Variants in NKAIN3 observed in about 807,000 individuals in gnomAD.
The protein encoded by NKAIN3 is sodium/potassium-transporting ATPase subunit beta-1-interacting protein 3.
In NKAIN3, 25 loss-of-function variants were observed where a neutral mutation model predicts 30.2. That is an observed-to-expected ratio of 0.83 (90% CI 0.60 to 1.16). NKAIN3 has a LOEUF of 1.16. NKAIN3 is among the 50% of genes most tolerant of loss of function. The pLI is 0.00. For missense variants in NKAIN3, 225 were observed against 254.1 expected, an observed-to-expected ratio of 0.89 and a Z score of 0.78; for synonymous variants, 91 against 89.6, an observed-to-expected ratio of 1.02 and a Z score of -0.09.
chr8:62,846,853 G>C (rs939899924), intron 4 of NKAIN3, among the ~76,000 whole-genome samples: 1 of 152,136 alleles, frequency 6.6e-6, no homozygotes, highest in Non-Finnish European at 1.5e-5. Context: ...TCACAATCAT[G>C]GTCGAAGGTG....
At chr8:62,275,521 T>C (rs1206521389) in intron 1 of NKAIN3, among the ~76,000 whole-genome samples, 2 of 152,242 alleles carry the variant, frequency 1.3e-5, no homozygotes, top group African/African-American at 2.4e-5. Context: ...TTGATAGACT[T>C]ACTTCAAATT....
At chr8:62,257,547 A>T (rs1012867174) in intron 1 of NKAIN3, among the ~76,000 whole-genome samples, 1 of 151,910 alleles carries the variant, frequency 6.6e-6, no homozygotes, top group Admixed American at 6.6e-5. Context: ...TCATCCTGTC[A>T]CTCCTCTTCA....
chr8:62,715,472 G>A (rs1456310469), intron 3 of NKAIN3, among the ~76,000 whole-genome samples: 2 of 152,146 alleles, frequency 1.3e-5, no homozygotes, highest in African/African-American at 4.8e-5. Flanking sequence ...CAGCCTTTCA[G>A]TGTTGGTGCA....
At chr8:62,452,493 T>TAAAC (rs1323279546) in intron 1 of NKAIN3, among the ~76,000 whole-genome samples, 3 of 151,858 alleles carry the variant, frequency 2.0e-5, no homozygotes, top group Non-Finnish European at 2.9e-5. Context: ...AATAAATAAA[T>TAAAC]AAATAAACAA....
intron 4 of NKAIN3, among the ~76,000 whole-genome samples, chr8:62,774,637 G>A (rs1344712627): frequency 6.6e-6 from 1 of 152,046 alleles, no homozygotes; most frequent in East Asian, 1.9e-4. Flanking sequence ...TTTATAGAAT[G>A]CTTTCTCAGC....
intron 5 of NKAIN3, among the ~76,000 whole-genome samples, chr8:62,950,772 G>A: frequency 6.6e-6 from 1 of 150,682 alleles, no homozygotes; most frequent in Admixed American, 6.8e-5. Flanking sequence ...TACACAAGTT[G>A]CCCTGGCACT....
At chr8:62,744,755 T>C (rs937594526) in intron 3 of NKAIN3, among the ~76,000 whole-genome samples, 1 of 152,180 alleles carries the variant, frequency 6.6e-6, no homozygotes, top group African/African-American at 2.4e-5. Flanking sequence ...ATTATTTCTC[T>C]ATAATATTTT....
chr8:62,257,172 G>T (rs1465004314), intron 1 of NKAIN3, among the ~76,000 whole-genome samples: 1 of 152,078 alleles, frequency 6.6e-6, no homozygotes, highest in African/African-American at 2.4e-5. Context: ...TCACTATGCT[G>T]TGTAATAGAT....
intron 1 of NKAIN3, among the ~76,000 whole-genome samples, chr8:62,345,513 A>G (rs867586099): frequency 4.0e-4 from 3 of 7,522 alleles, no homozygotes; most frequent in African/African-American, 8.1e-4. Context: ...ACACATATAT[A>G]CACATATATG....
chr8:62,366,555 A>G (rs894244213), intron 1 of NKAIN3, among the ~76,000 whole-genome samples: 1 of 152,012 alleles, frequency 6.6e-6, no homozygotes, highest in Non-Finnish European at 1.5e-5. Context: ...GTATGTTTTA[A>G]TGTCTCCTTT....
chr8:62,703,971 A>T (rs760452779), intron 3 of NKAIN3, among the ~76,000 whole-genome samples: 1 of 152,122 alleles, frequency 6.6e-6, no homozygotes, highest in Non-Finnish European at 1.5e-5. Flanking sequence ...TTTCTGGATG[A>T]CTTGATTGGA....
intron 1 of NKAIN3, among the ~76,000 whole-genome samples, chr8:62,401,892 C>T (rs1420614209): frequency 6.6e-6 from 1 of 152,172 alleles, no homozygotes; most frequent in African/African-American, 2.4e-5. Flanking sequence ...CTGGGTCTCA[C>T]CCAAGGTCCA....
At chr8:62,799,661 A>T (rs1193413107) in intron 4 of NKAIN3, among the ~76,000 whole-genome samples, 1 of 152,212 alleles carries the variant, frequency 6.6e-6, no homozygotes, top group Admixed American at 6.5e-5. Flanking sequence ...ACTAAAAGTA[A>T]ATCTACCATT....
chr8:62,900,132 C>T (rs1397169137), intron 4 of NKAIN3, among the ~76,000 whole-genome samples: 1 of 151,988 alleles, frequency 6.6e-6, no homozygotes, highest in Non-Finnish European at 1.5e-5. Flanking sequence ...TTGTTGCTCA[C>T]TGAATTGAAA....
chr8:62,554,747 T>A (rs750938232), intron 1 of NKAIN3, among the ~76,000 whole-genome samples: 33 of 152,084 alleles, frequency 2.2e-4, no homozygotes, highest in Non-Finnish European at 4.7e-4. Flanking sequence ...AAGATATGCT[T>A]AACAATAATC....
At chr8:62,358,860 A>G (rs920333416) in intron 1 of NKAIN3, among the ~76,000 whole-genome samples, 1 of 152,198 alleles carries the variant, frequency 6.6e-6, no homozygotes, top group Admixed American at 6.5e-5. Flanking sequence ...GTTTCTGGTG[A>G]ATATTCTATT....
chr8:62,527,949 CAAAG>C (rs1455686161), intron 1 of NKAIN3, among the ~76,000 whole-genome samples: 2 of 144,856 alleles, frequency 1.4e-5, no homozygotes, highest in East Asian at 2.0e-4. Context: ...AAGAGAGAGA[CAAAG>C]AGAGAAAGAG....
intron 3 of NKAIN3, among the ~76,000 whole-genome samples, chr8:62,670,599 C>A (rs1024072741): frequency 2.2e-5 from 3 of 135,300 alleles, no homozygotes; most frequent in African/African-American, 9.6e-5. Flanking sequence ...TAATAGGCCC[C>A]AGTTTTCTTT....
intron 1 of NKAIN3, among the ~76,000 whole-genome samples, chr8:62,273,418 C>T (rs985907461): frequency 2.0e-5 from 3 of 152,138 alleles, no homozygotes; most frequent in Non-Finnish European, 4.4e-5. Flanking sequence ...TAGAAAAAAG[C>T]CTTAAAAAGG....
Sources: allele counts gnomAD v4.1 joint callset (sites outside exome capture counted in the v4.1 genomes callset), GRCh38; gene constraint gnomAD v4.1.1; transcripts MANE v1.5; gene names NCBI Gene and HGNC (gene_info 2026-07-23, HGNC 2026-07-21).